BCAS3: variants seen among roughly 807,000 people sequenced by gnomAD.
BCAS3 encodes the protein BCAS4/BCAS3 fusion.
Under a neutral mutation model 116.1 loss-of-function variants are expected in BCAS3, and 53 were observed. That is an observed-to-expected ratio of 0.46 (90% confidence interval 0.37 to 0.57). BCAS3 has a LOEUF of 0.57. BCAS3 is among the 20% of genes least tolerant of loss of function. BCAS3 has a pLI of 0.00. For missense variants in BCAS3, 917 were observed against 1,165.4 expected (o/e 0.79, Z 3.10); for synonymous variants, 391 against 408.2 (o/e 0.96, Z 0.51).
Position 60,910,692 on chromosome 17 carries a change from G to A in BCAS3, c.983G>A (p.Gly328Glu), listed in dbSNP as rs1163750794. The change falls in exon 12 of 24, where the codon GGA becomes GAA. Residue 328 changes from glycine to glutamate, a missense_variant. By Grantham distance (98) the Gly-to-Glu change is moderately conservative. Coordinates refer to ENST00000407086, the MANE Select transcript of BCAS3 (RefSeq NM_017679.5). ...ACAGTTATTGACACCGAAACCGTTG[G>A]AGAGGGCCAGGTAAGAAGAACTTTT... ...IITVIDTETV[G>E]EGQVLVSEDS... The A allele has an allele frequency of 1.2e-6, 2 of 1,606,146 alleles. No homozygotes were observed. Among genetic ancestry groups the A allele is most frequent in the East Asian group, 2.3e-5 (1 of 44,088 alleles).
At chr17:60,948,427 A>G (rs2060645529) in intron 14 of BCAS3, among the ~76,000 whole-genome samples, 1 of 151,996 alleles carries the variant, frequency 6.6e-6, no homozygotes, top group Non-Finnish European at 1.5e-5. Context: ...CCTGGCCCAC[A>G]TATATTTAAT....
chr17:61,173,425 G>A (rs1289993782), intron 22 of BCAS3, among the ~76,000 whole-genome samples: 1 of 150,798 alleles, frequency 6.6e-6, no homozygotes, highest in Non-Finnish European at 1.5e-5. Context: ...CCCCAGCCTG[G>A]GTGACAAAGC....
At position 61,196,492 on chromosome 17, in the gene BCAS3, G is replaced by A. The variant is rs1425909131; in HGVS notation, c.2425+111928G>A. ...CATTTATATAAATATGCTTTCTCAA[G>A]CCCACAAAAACAAAAAACCCCAACC... On this transcript the variant is annotated intron_variant, in intron 22 of 23. Transcript: ENST00000407086. This position sits in a 1 kb window ranked among gnomAD's most constrained non-coding sequence, Gnocchi z 4.7. Among the ~76,000 whole-genome samples, 1 of 152,168 alleles carries A rather than the reference G, an allele frequency of 6.6e-6. No individual in the cohort carries two copies. Among genetic ancestry groups the A allele is most frequent in the African/African-American group, 2.4e-5 (1 of 41,446 alleles).
rs1448231173 is a variant in BCAS3, at chr17:61,365,185, CA to C, written c.2426-3141del. On this transcript the variant is annotated intron_variant, in intron 22 of 23. Transcript: ENST00000407086. This position sits in a 1 kb window ranked among gnomAD's most constrained non-coding sequence, Gnocchi z 4.6. Reference sequence around the variant, plus strand: ...GAAGTCCAGGCCTATTTCCATCCACCACTATGACACTAGCTCATGATTCTTT... The same window carrying C: ...GAAGTCCAGGCCTATTTCCATCCACCCTATGACACTAGCTCATGATTCTTT... Among the ~76,000 whole-genome samples the C allele has an allele frequency of 2.0e-5, 3 of 152,196 alleles. No individual in the cohort carries two copies. The East Asian group carries it at 5.8e-4, about 29-fold the overall frequency.
In BCAS3 at chr17:61,101,623, G is replaced by A. The variant is rs369303022; in HGVS notation, c.2425+17059G>A. Among the ~76,000 whole-genome samples, 4 of 152,172 alleles carry A rather than the reference G, an allele frequency of 2.6e-5. No homozygotes were observed. The South Asian group carries it at 8.3e-4, about 32-fold the overall frequency. On this transcript the variant is annotated intron_variant, in intron 22 of 23. Coordinates refer to ENST00000407086, the MANE Select transcript of BCAS3 (RefSeq NM_017679.5). ...GAGTGAGGATTCCCAATGGACCATTGTACACTACAATATTTATTACTATAA... is the reference window on the plus strand; with the variant it reads ...GAGTGAGGATTCCCAATGGACCATTATACACTACAATATTTATTACTATAA...
At chr17:60,691,013 A>T (rs1297653330) in intron 4 of BCAS3, among the ~76,000 whole-genome samples, 1 of 151,862 alleles carries the variant, frequency 6.6e-6, no homozygotes, top group African/African-American at 2.4e-5. Flanking sequence ...GCTTACTGCA[A>T]CCTGCGCCTC....
At position 61,106,936 on chromosome 17, in the gene BCAS3, C is replaced by T. The variant is rs868739495; in HGVS notation, c.2425+22372C>T. Among the ~76,000 whole-genome samples the T allele has an allele frequency of 6.6e-6, 1 of 152,036 alleles. No individual in the cohort carries two copies. The highest frequency in any genetic ancestry group is 2.4e-5 in the African/African-American group (1 of 41,402). ...AAGTGGAAATTCTGGGTCCAGAATA[C>T]GTATATTTTTAAGTCACTTTATGTT... On this transcript the variant is annotated intron_variant, in intron 22 of 23. Transcript: ENST00000407086. The surrounding 1 kb of genome is among the most constrained non-coding windows in gnomAD (Gnocchi z 4.2).
chr17:60,814,306 T>TGCGCGCGTGCGTGTGCGC (rs1555731471), intron 7 of BCAS3, among the ~76,000 whole-genome samples: 1 of 148,198 alleles, frequency 6.7e-6, no homozygotes, highest in African/African-American at 2.5e-5. Context: ...TGTGTGTGTG[T>TGCGCGCGTGCGTGTGCGC]GCGCGCGTGC....
chr17:60,777,456 C>G (rs1568229164), intron 6 of BCAS3, among the ~76,000 whole-genome samples: 1 of 151,862 alleles, frequency 6.6e-6, no homozygotes, highest in Non-Finnish European at 1.5e-5. Flanking sequence ...AAAACCCCAC[C>G]TCTACTAAAA....
intron 23 of BCAS3, among the ~76,000 whole-genome samples, chr17:61,375,218 T>TTG (rs59961930): frequency 0.031 from 4,423 of 142,708 alleles, 73 homozygotes; most frequent in Middle Eastern, 0.064. Flanking sequence ...AAAGCACTAT[T>TTG]TGTGTGTGTG....
rs1443355902 is a variant in BCAS3 at position 61,126,854 on chromosome 17, G to A, written c.2425+42290G>A. 1.3e-5 allele frequency among the ~76,000 whole-genome samples: 2 copies of A among 151,994 alleles called. No individual in the cohort carries two copies. Among genetic ancestry groups the A allele is most frequent in the African/African-American group, 4.8e-5 (2 of 41,384 alleles). On this transcript the variant is annotated intron_variant, in intron 22 of 23. Coordinates refer to ENST00000407086, the MANE Select transcript of BCAS3 (RefSeq NM_017679.5). This position sits in a 1 kb window ranked among gnomAD's most constrained non-coding sequence, Gnocchi z 4.6. ...TCTTTGTGGGAAAAATATTACAACCGTATCATTACTACTTTGAATACAGGA... is the reference window on the plus strand; with the variant it reads ...TCTTTGTGGGAAAAATATTACAACCATATCATTACTACTTTGAATACAGGA...
intron 22 of BCAS3, among the ~76,000 whole-genome samples, chr17:61,250,991 GTCTAAT>G (rs562423767): frequency 2.0e-5 from 3 of 152,288 alleles, no homozygotes; most frequent in African/African-American, 7.2e-5. Context: ...GGAGACCAGT[GTCTAAT>G]TCTACTACTT....
chr17:60,940,322 G>A (rs1401456826), intron 13 of BCAS3, among the ~76,000 whole-genome samples: 1 of 152,124 alleles, frequency 6.6e-6, no homozygotes, highest in African/African-American at 2.4e-5. Context: ...ATTTGATAAC[G>A]ATATACTATA....
Position 61,392,474 on chromosome 17 carries a change from A to C in BCAS3, c.*349A>C. 1 of 207,976 alleles carries C rather than the reference A, an allele frequency of 4.8e-6. No individual in the cohort carries two copies. The highest frequency in any genetic ancestry group is 9.7e-6 in the Non-Finnish European group (1 of 103,596). 12.9% of individuals were successfully genotyped at this position (207,976 alleles called of 1,614,324 possible). On this transcript the variant is annotated 3_prime_UTR_variant, in exon 24 of 24. Transcript: ENST00000407086. This position sits in a 1 kb window ranked among gnomAD's most constrained non-coding sequence, Gnocchi z 6.4. ...GGGGGGAGCCTGGAACAGTGACCAG[A>C]TCTGGGGGCCTGAGTGGGGACAGAG... is the stretch of plus-strand genomic sequence containing the variant.
rs764677736 is a variant in BCAS3 at position 61,362,770 on chromosome 17, T to A, written c.2426-5557T>A. On this transcript the variant is annotated intron_variant, in intron 22 of 23. Transcript: ENST00000407086. This position sits in a 1 kb window ranked among gnomAD's most constrained non-coding sequence, Gnocchi z 4.4. Reference sequence around the variant, plus strand: ...AGCTCTCTCTGCCGTCCTAGACAGATTGTTTTGTTTTTTCCAATTTCCAGG... The same window carrying A: ...AGCTCTCTCTGCCGTCCTAGACAGAATGTTTTGTTTTTTCCAATTTCCAGG... 2.0e-5 allele frequency: 3 copies of A among 152,160 alleles called. No individual in the cohort carries two copies. The highest frequency in any genetic ancestry group is 4.4e-5 in the Non-Finnish European group (3 of 68,026). 9.4% of individuals were successfully genotyped at this position (152,160 alleles called of 1,614,324 possible).
chr17:61,108,282 T>C lies in BCAS3; in HGVS notation c.2425+23718T>C, dbSNP rs188852516. The stretch of plus-strand genomic sequence containing the variant: ...CGTGATATATCTTTTTCTAACATTT[T>C]AGTTTCAGTGTGTCTGTATCATTAT... On this transcript the variant is annotated intron_variant, in intron 22 of 23. Coordinates refer to ENST00000407086, the MANE Select transcript of BCAS3 (RefSeq NM_017679.5). Among the ~76,000 whole-genome samples, 185 of 152,328 alleles carry C rather than the reference T, an allele frequency of 1.2e-3. 1 individual carries two copies. The highest frequency in any genetic ancestry group is 6.8e-3 in the Middle Eastern group (2 of 294).
chr17:60,945,887 G>T (rs1017637115), intron 13 of BCAS3, among the ~76,000 whole-genome samples: 2 of 152,000 alleles, frequency 1.3e-5, no homozygotes, highest in Non-Finnish European at 2.9e-5. Flanking sequence ...TTGGGAGGCT[G>T]AGTCCGGCGG....
At chr17:60,998,351 T>C (rs1406138615) in intron 15 of BCAS3, among the ~76,000 whole-genome samples, 1 of 152,248 alleles carries the variant, frequency 6.6e-6, no homozygotes, top group Non-Finnish European at 1.5e-5. Flanking sequence ...TATTTTCTTT[T>C]GGGCATATAC....
At chr17:60,741,338 C>T (rs1032523736) in intron 5 of BCAS3, among the ~76,000 whole-genome samples, 4 of 152,144 alleles carry the variant, frequency 2.6e-5, no homozygotes, top group Admixed American at 6.6e-5. Context: ...ATTTCAGCTT[C>T]GAAGGACATT....
Sources: allele counts gnomAD v4.1 joint callset (sites outside exome capture counted in the v4.1 genomes callset), GRCh38; gene constraint gnomAD v4.1.1; non-coding constraint Gnocchi (gnomAD v3.1); transcripts MANE v1.5; gene names NCBI Gene and HGNC (gene_info 2026-07-23, HGNC 2026-07-21).